PRKCH: variants seen among roughly 807,000 people sequenced by gnomAD.
PRKCH encodes protein kinase C eta type.
A neutral mutation model predicts 82.5 loss-of-function variants in PRKCH; 28 were observed. That is an observed-to-expected ratio of 0.34 (90% confidence interval 0.25 to 0.47). The LOEUF is 0.47. Ranked by LOEUF, PRKCH falls within the 20% of genes least tolerant of loss-of-function variation. PRKCH has a pLI of 1.00. For synonymous variants in PRKCH, 322 were observed against 327.4 expected (o/e 0.98, Z 0.18); for missense variants, 705 against 881.8 (o/e 0.80, Z 2.54).
Position 61,533,774 on chromosome 14 carries a change from G to A in PRKCH, c.1761+3179G>A, listed in dbSNP as rs539136214. Among the ~76,000 whole-genome samples the A allele has an allele frequency of 5.3e-5, 8 of 152,350 alleles. No homozygotes were observed. In the South Asian group the frequency reaches 1.5e-3, roughly 28 times the overall value. The stretch of plus-strand genomic sequence containing the variant: ...TGAAGCAGTGCTTGGCACAGGGTAC[G>A]TGCCCAGGAAGTGTCCTGCACTATT... On this transcript the variant is annotated intron_variant, in intron 12 of 13. Transcript: ENST00000332981.
intron 2 of PRKCH, among the ~76,000 whole-genome samples, chr14:61,409,216 A>G (rs1413969922): frequency 6.6e-6 from 1 of 152,174 alleles, no homozygotes. Context: ...GCACACTGCC[A>G]TGGGTGCTCC....
chr14:61,505,667 G>T (rs1053589037), intron 10 of PRKCH, among the ~76,000 whole-genome samples: 1 of 151,890 alleles, frequency 6.6e-6, no homozygotes, highest in African/African-American at 2.4e-5. Context: ...GAGCCACCAC[G>T]CCCAGCCGGA....
rs576484026 is a variant in PRKCH, at chr14:61,340,706, T to C, written c.363+18242T>C. 2.0e-4 allele frequency among the ~76,000 whole-genome samples: 31 copies of C among 152,348 alleles called. No homozygotes were observed. The South Asian group carries it at 6.0e-3, about 30-fold the overall frequency. ...CAGGTCCAGGGTCCCATGTCTGATA[T>C]GCTTGCTGGACAGACCTGCTTGGAC... is the stretch of plus-strand genomic sequence containing the variant. On this transcript the variant is annotated intron_variant, in intron 1 of 13. Coordinates refer to ENST00000332981, the MANE Select transcript of PRKCH (RefSeq NM_006255.5).
At chr14:61,388,147 C>CA (rs569642184) in intron 1 of PRKCH, among the ~76,000 whole-genome samples, 1,458 of 87,410 alleles carry the variant, frequency 0.017, 14 homozygotes, top group African/African-American at 0.026. Context: ...GACTCTGTCT[C>CA]AAAAAAAAAA....
At chr14:61,243,814 A>C (rs563477342) in intron 1 of PRKCH, among the ~76,000 whole-genome samples, 1 of 152,112 alleles carries the variant, frequency 6.6e-6, no homozygotes, top group East Asian at 1.9e-4. Flanking sequence ...TTTTCTTAAA[A>C]CATTAGCTTC....
At chr14:61,273,218 A>T (rs941382569) in intron 1 of PRKCH, among the ~76,000 whole-genome samples, 1 of 152,186 alleles carries the variant, frequency 6.6e-6, no homozygotes, top group African/African-American at 2.4e-5. Context: ...CCTGAACTTA[A>T]ATAACTATGG....
chr14:61,406,608 C>G (rs1030883245), intron 2 of PRKCH, among the ~76,000 whole-genome samples: 9 of 152,178 alleles, frequency 5.9e-5, no homozygotes, highest in Admixed American at 1.3e-4. Context: ...TAATACTGTT[C>G]TTAAAATGAC....
At chr14:61,274,502 T>A (rs937484377) in intron 1 of PRKCH, among the ~76,000 whole-genome samples, 2 of 152,158 alleles carry the variant, frequency 1.3e-5, no homozygotes, top group Admixed American at 6.5e-5. Context: ...AACTTTCAGA[T>A]GAGAAGTAGC....
intron 1 of PRKCH, among the ~76,000 whole-genome samples, chr14:61,256,109 G>A (rs1245454942): frequency 6.6e-6 from 1 of 152,034 alleles, no homozygotes; most frequent in Non-Finnish European, 1.5e-5. Flanking sequence ...TTTACTCATC[G>A]ATTTAAATTT....
At chr14:61,298,644 C>A (rs951094355) in intron 1 of PRKCH, 7 of 152,200 alleles carry the variant, frequency 4.6e-5, no homozygotes, top group African/African-American at 1.7e-4. Flanking sequence ...ATACTAGTAT[C>A]TATTTAATAA....
At chr14:61,449,346 C>T (rs1884378642) in intron 5 of PRKCH, 94 bp downstream of exon 5, 9 of 1,075,904 alleles carry the variant, frequency 8.4e-6, no homozygotes, top group Non-Finnish European at 1.3e-5. Flanking sequence ...TTTCCTCCCC[C>T]TCTTTTCCTT....
chr14:61,513,611 A>G (rs1594776734), intron 10 of PRKCH, among the ~76,000 whole-genome samples: 2 of 152,190 alleles, frequency 1.3e-5, no homozygotes, highest in Non-Finnish European at 2.9e-5. Context: ...TATAAAATGT[A>G]TTAAAAGTAA....
intron 1 of PRKCH, among the ~76,000 whole-genome samples, chr14:61,198,888 T>A (rs981653899): frequency 6.6e-6 from 1 of 152,180 alleles, no homozygotes. Context: ...TCCCATGAGA[T>A]CCTCAGGCTG....
In PRKCH at chr14:61,524,756, A is replaced by G. The variant is rs117164643; in HGVS notation, c.1434-4319A>G. On this transcript the variant is annotated intron_variant, in intron 10 of 13. Transcript: ENST00000332981. ...TGCTCTTCCGTTTGGATGCAAGCCAACATGAGGATAAGTGTTCTGCTTGGT... is the reference window on the plus strand; with the variant it reads ...TGCTCTTCCGTTTGGATGCAAGCCAGCATGAGGATAAGTGTTCTGCTTGGT... 5.8e-4 allele frequency among the ~76,000 whole-genome samples: 89 copies of G among 152,324 alleles called. 2 individuals carry two copies. In the East Asian group the frequency reaches 0.016, roughly 27 times the overall value.
intron 1 of PRKCH, among the ~76,000 whole-genome samples, chr14:61,362,191 A>G (rs1199937457): frequency 6.6e-6 from 1 of 152,042 alleles, no homozygotes; most frequent in African/African-American, 2.4e-5. Context: ...TGTTAAAAAA[A>G]TAGCTAAGTG....
intron 10 of PRKCH, among the ~76,000 whole-genome samples, chr14:61,486,084 C>G (rs10151321): frequency 0.89 from 135,959 of 152,238 alleles, 61,696 homozygotes; most frequent in Non-Finnish European, 0.97. Flanking sequence ...ATAGGCCCGA[C>G]AGTCTCAGAA....
intron 1 of PRKCH, among the ~76,000 whole-genome samples, chr14:61,330,958 A>AAC (rs2045777112): frequency 6.6e-6 from 1 of 151,656 alleles, no homozygotes; most frequent in Admixed American, 6.6e-5. Context: ...ATGAGCTCAA[A>AAC]AAAAATCCTC....
At position 61,279,928 on chromosome 14, in the gene PRKCH, GC is replaced by G. The variant is rs1000015382; in HGVS notation, c.-19+92266del. ...CTCCCCGCGGCAAGACAGTCTAGCA[GC>G]CCCCCAAGAGCAAGGGGGGTAATTC... On this transcript the variant is annotated intron_variant, in intron 1 of 3. Transcript: ENST00000555185. 1.7e-5 allele frequency: 11 copies of G among 643,780 alleles called. No individual in the cohort carries two copies. In the Admixed American group the frequency reaches 2.4e-4, roughly 14 times the overall value. 39.9% of individuals were successfully genotyped at this position (643,780 alleles called of 1,614,324 possible). A position where few individuals can be genotyped will look rare whatever the true frequency, so the allele number is the denominator to read the frequency against.
chr14:61,532,741 A>C (rs988999059), intron 12 of PRKCH, among the ~76,000 whole-genome samples: 5 of 152,214 alleles, frequency 3.3e-5, no homozygotes, highest in Admixed American at 6.5e-5. Flanking sequence ...TACACTGTCC[A>C]GTAATAGCCT....
Sources: gnomAD v4.1 joint callset for allele counts (sites outside exome capture counted in the v4.1 genomes callset) on GRCh38, gnomAD v4.1.1 for gene constraint, MANE v1.5 for transcripts, NCBI Gene and HGNC (gene_info 2026-07-23, HGNC 2026-07-21) for gene names.